The following CACNA1C variants were observed in gnomAD, a reference collection of about 807,000 sequenced individuals.
The protein encoded by CACNA1C is calcium voltage-gated channel subunit alpha1 C, also known as voltage-dependent L-type calcium channel subunit alpha-1C.
Under a neutral mutation model 229.0 loss-of-function variants are expected in CACNA1C, and 30 were observed. The ratio of observed to expected loss-of-function variants is 0.13; its 90% confidence interval spans 0.10 to 0.18. The LOEUF (loss-of-function observed/expected upper bound fraction) is 0.18. Among genes scored for constraint, CACNA1C ranks in the 10% least tolerant of loss-of-function variants. The probability of loss-of-function intolerance (pLI) is 1.00; values close to 1 mark genes in which losing one functional copy is unlikely to be tolerated. For missense variants in CACNA1C, 1,658 were observed against 2,845.0 expected (o/e 0.58, Z 9.49); for synonymous variants, 1,114 against 1,132.5 (o/e 0.98, Z 0.33).
At chr12:2,106,257 C>A (rs1457711089) in intron 1 of CACNA1C, among the ~76,000 whole-genome samples, 1 of 54,578 alleles carries the variant, frequency 1.8e-5, no homozygotes. Flanking sequence ...CGTCCTGAAG[C>A]CACTGGGCGC....
intron 1 of CACNA1C, among the ~76,000 whole-genome samples, chr12:2,006,697 G>C (rs1237232911): frequency 6.6e-6 from 1 of 152,180 alleles, no homozygotes; most frequent in East Asian, 1.9e-4. Flanking sequence ...TGGAGTCTCA[G>C]TCCTATTGAC....
rs2097827616 is a variant in CACNA1C at position 2,695,069 on chromosome 12, C to T, written c.*3870C>T. On this transcript the variant is annotated 3_prime_UTR_variant, in exon 47 of 47. Transcript: ENST00000399655. ...AAAGGGCCTGCTGACTCCCAGAAGA[C>T]CTCTTTAAACCCCAGGGGAGGCAAA... 6.6e-6 allele frequency: 1 copy of T among 151,948 alleles called. No individual in the cohort carries two copies. The highest frequency in any genetic ancestry group is 1.9e-4 in the East Asian group (1 of 5,170). 9.4% of individuals were successfully genotyped at this position (151,948 alleles called of 1,614,324 possible).
rs2099787305 is a variant in CACNA1C, at chr12:2,512,648, G to A, written c.1218-164G>A. Among the ~76,000 whole-genome samples the A allele has an allele frequency of 6.6e-6, 1 of 152,072 alleles. No homozygotes were observed. The highest frequency in any genetic ancestry group is 2.1e-4 in the South Asian group (1 of 4,810). On this transcript the variant is annotated intron_variant, in intron 8 of 46. Coordinates refer to ENST00000399655, the MANE Select transcript of CACNA1C (RefSeq NM_000719.7). The surrounding 1 kb of genome is among the most constrained non-coding windows in gnomAD (Gnocchi z 4.3). ...TAGACCTAACCTAGGCTGACTAGCG[G>A]AGCTGTCTGTGGAAAGTAGGGGCGT...
At chr12:2,427,937 A>T (rs2099048581) in intron 3 of CACNA1C, among the ~76,000 whole-genome samples, 1 of 152,172 alleles carries the variant, frequency 6.6e-6, no homozygotes, top group Non-Finnish European at 1.5e-5. Context: ...ATATTTTAAA[A>T]AGTAAAATAC....
Position 2,679,581 on chromosome 12 carries a change from A to G in CACNA1C, c.5229A>G (p.Pro1743=). Residue 1743 remains proline (P), a synonymous_variant, in exon 42 of 47, where the codon CCA becomes CCG. Coordinates refer to ENST00000399655, the MANE Select transcript of CACNA1C (RefSeq NM_000719.7). The surrounding 1 kb of genome is among the most constrained non-coding windows in gnomAD (Gnocchi z 5.5). ...GCAGCCAGGGCGACACTGAGTCGCC[A>G]TCCCACGAGAAGCTGGTGGACTCCA... ...AGSSQGDTES[P]SHEKLVDSTF... is the part of the protein sequence containing the mutation. The G allele has an allele frequency of 6.2e-7, 1 of 1,613,698 alleles. No homozygotes were observed. Among genetic ancestry groups the G allele is most frequent in the East Asian group, 2.2e-5 (1 of 44,876 alleles).
chr12:2,428,725 A>G (rs1488571878), intron 3 of CACNA1C, among the ~76,000 whole-genome samples: 2 of 152,192 alleles, frequency 1.3e-5, no homozygotes, highest in Admixed American at 1.3e-4. Context: ...ACATTTCCTT[A>G]AAGACATGAG....
intron 9 of CACNA1C, among the ~76,000 whole-genome samples, chr12:2,523,637 G>T (rs950039072): frequency 6.6e-5 from 10 of 152,220 alleles, no homozygotes; most frequent in African/African-American, 2.2e-4. Flanking sequence ...CCTACCTAAA[G>T]CCACGGGTCG....
chr12:2,351,855 G>A (rs982991457), intron 3 of CACNA1C, among the ~76,000 whole-genome samples: 3 of 152,100 alleles, frequency 2.0e-5, no homozygotes, highest in South Asian at 2.1e-4. Flanking sequence ...CACACCGTGG[G>A]TCTGGAAATT....
At chr12:2,686,308 G>A (rs1432805926) in intron 45 of CACNA1C, 39 bp downstream of exon 45, 1 of 1,452,918 alleles carries the variant, frequency 6.9e-7, no homozygotes, top group South Asian at 1.1e-5. Context: ...TCACCTGCCA[G>A]CAGGCCAGAC....
intron 1 of CACNA1C, among the ~76,000 whole-genome samples, chr12:2,007,133 C>G (rs1196303127): frequency 6.6e-6 from 1 of 152,228 alleles, no homozygotes; most frequent in Non-Finnish European, 1.5e-5. Flanking sequence ...TAGTCACACT[C>G]TCTCACTTGA....
intron 3 of CACNA1C, among the ~76,000 whole-genome samples, chr12:2,158,257 T>A (rs1362253178): frequency 6.6e-6 from 1 of 152,176 alleles, no homozygotes; most frequent in Non-Finnish European, 1.5e-5. Context: ...CTTTGTGACA[T>A]CTCAGAAAAG....
At chr12:2,598,303 C>T (rs573565868) in intron 21 of CACNA1C, among the ~76,000 whole-genome samples, 1 of 152,342 alleles carries the variant, frequency 6.6e-6, no homozygotes, top group South Asian at 2.1e-4. Flanking sequence ...ACTGCTGCAA[C>T]ATTGCTACCC....
At chr12:2,476,640 A>T (rs1224300101) in intron 5 of CACNA1C, among the ~76,000 whole-genome samples, 3 of 152,162 alleles carry the variant, frequency 2.0e-5, no homozygotes, top group Admixed American at 1.3e-4. Flanking sequence ...TTCTCTTTTC[A>T]ATCCACATTG....
At chr12:2,294,688 G>A (rs920557849) in intron 3 of CACNA1C, among the ~76,000 whole-genome samples, 2 of 152,138 alleles carry the variant, frequency 1.3e-5, no homozygotes, top group Non-Finnish European at 2.9e-5. Flanking sequence ...GTACAGCTGC[G>A]GGTGAAATGG....
chr12:2,529,797 G>A (rs984888787), intron 9 of CACNA1C, among the ~76,000 whole-genome samples: 7 of 152,124 alleles, frequency 4.6e-5, no homozygotes, highest in East Asian at 1.9e-4. Flanking sequence ...ACCTGTCCAC[G>A]GAAGTGTCAG....
intron 9 of CACNA1C, among the ~76,000 whole-genome samples, chr12:2,531,180 A>C (rs2099840128): frequency 6.6e-6 from 1 of 152,228 alleles, no homozygotes. Flanking sequence ...CATTGGCCTG[A>C]GGCCAGTTCG....
At chr12:2,040,963 T>C (rs2049978118) in intron 1 of CACNA1C, among the ~76,000 whole-genome samples, 1 of 152,208 alleles carries the variant, frequency 6.6e-6, no homozygotes, top group African/African-American at 2.4e-5. Context: ...AACTCAGAGT[T>C]CTTTCTAATA....
intron 3 of CACNA1C, among the ~76,000 whole-genome samples, chr12:2,385,838 C>A (rs780862729): frequency 1.2e-4 from 18 of 152,176 alleles, no homozygotes; most frequent in African/African-American, 4.1e-4. Flanking sequence ...GGGTCTCACC[C>A]GTAGTGACTC....
At chr12:2,425,150 A>G (rs2099017357) in intron 3 of CACNA1C, among the ~76,000 whole-genome samples, 1 of 152,274 alleles carries the variant, frequency 6.6e-6, no homozygotes, top group Non-Finnish European at 1.5e-5. Flanking sequence ...CCAAAAGCAG[A>G]GAATTGGGTA....
Sources: gnomAD v4.1 joint callset for allele counts (sites outside exome capture counted in the v4.1 genomes callset) on GRCh38, gnomAD v4.1.1 for gene constraint, Gnocchi (gnomAD v3.1) non-coding constraint, MANE v1.5 for transcripts, NCBI Gene and HGNC (gene_info 2026-07-23, HGNC 2026-07-21) for gene names.